The following DMXL2 variants were observed in gnomAD, a reference collection of about 807,000 sequenced individuals.
DMXL2 encodes Dmx like 2, also known as dmX-like protein 2.
A neutral mutation model predicts 331.1 loss-of-function variants in DMXL2; 103 were observed. The ratio of observed to expected loss-of-function variants is 0.31; its 90% CI spans 0.27 to 0.37. The LOEUF is 0.37. Ranked by LOEUF, DMXL2 falls within the 10% of genes least tolerant of loss-of-function variation. The pLI, the probability that DMXL2 is intolerant of heterozygous loss-of-function variation, is 1.00. For missense variants in DMXL2, 3,171 were observed against 3,642.9 expected (o/e 0.87, Z 3.33); for synonymous variants, 1,281 against 1,252.1 (o/e 1.02, Z -0.49).
intron 1 of DMXL2, among the ~76,000 whole-genome samples, chr15:51,621,696 CT>C (rs1456739407): frequency 6.6e-6 from 1 of 152,132 alleles, no homozygotes; most frequent in African/African-American, 2.4e-5. Context: ...TATACATACA[CT>C]TTTCTCAAAC....
intron 6 of DMXL2, among the ~76,000 whole-genome samples, chr15:51,554,769 C>CTTA (rs1290431045): frequency 6.6e-6 from 1 of 152,144 alleles, no homozygotes; most frequent in Non-Finnish European, 1.5e-5. Flanking sequence ...GCATGCTAAA[C>CTTA]CATCACGAAG....
intron 25 of DMXL2, among the ~76,000 whole-genome samples, chr15:51,479,558 T>C (rs1220581129): frequency 1.3e-5 from 2 of 152,178 alleles, no homozygotes; most frequent in East Asian, 3.8e-4. Context: ...TCTGGGACCA[T>C]TTGTGACCAG....
chr15:51,542,156 A>G (rs1238843818), intron 9 of DMXL2, among the ~76,000 whole-genome samples, 177 bp downstream of exon 9: 1 of 152,222 alleles, frequency 6.6e-6, no homozygotes, highest in Non-Finnish European at 1.5e-5. Context: ...AGAATCACAT[A>G]GTCCCAATCA....
chr15:51,534,786 T>C (rs1596159125), intron 13 of DMXL2, among the ~76,000 whole-genome samples: 1 of 152,316 alleles, frequency 6.6e-6, no homozygotes, highest in South Asian at 2.1e-4. Flanking sequence ...AGACAAAGAA[T>C]TTATCTTTCT....
intron 33 of DMXL2, among the ~76,000 whole-genome samples, chr15:51,461,544 A>G (rs1416461262): frequency 6.6e-6 from 1 of 152,178 alleles, no homozygotes; most frequent in Non-Finnish European, 1.5e-5. Context: ...AGAGCCCCTA[A>G]TTGACCAGAA....
chr15:51,500,406 C>A (rs1029136410), intron 17 of DMXL2, among the ~76,000 whole-genome samples, 175 bp from the exon 18 acceptor site: 4 of 152,192 alleles, frequency 2.6e-5, no homozygotes, highest in African/African-American at 9.6e-5. Context: ...GCCAACATAT[C>A]TATAAAGGTC....
In DMXL2 at chr15:51,486,125, T is replaced by C. The variant is rs1284044596; in HGVS notation, c.5430A>G (p.Arg1810=). The part of the protein sequence containing the change: ...LAYWVMKDYT[R]ALDTLLEQTP... Reference sequence around the variant, plus strand: ...TTTGTTCCAGTAATGTGTCCAAGGCTCGGGTGTAATCTTTCATTACCCAAT... The same window carrying C: ...TTTGTTCCAGTAATGTGTCCAAGGCCCGGGTGTAATCTTTCATTACCCAAT... Residue 1810 remains arginine (R), a synonymous_variant, in exon 23 of 44, where the codon CGA becomes CGG. Coordinates refer to ENST00000560891, the MANE Select transcript of DMXL2 (RefSeq NM_001378457.1). 6.2e-7 allele frequency: 1 copy of C among 1,614,002 alleles called. No homozygotes were observed. Among genetic ancestry groups the C allele is most frequent in the Admixed American group, 1.7e-5 (1 of 60,022 alleles).
At chr15:51,578,609 A>C (rs1400352146) in intron 1 of DMXL2, among the ~76,000 whole-genome samples, 1 of 152,224 alleles carries the variant, frequency 6.6e-6, no homozygotes, top group East Asian at 1.9e-4. Flanking sequence ...AATATCTATC[A>C]AAATCTTAAG....
intron 42 of DMXL2, 56 bp from the exon 43 acceptor site, chr15:51,450,402 A>G (rs2039030966): frequency 2.0e-6 from 3 of 1,524,086 alleles, no homozygotes; most frequent in South Asian, 2.3e-5. Context: ...CTTGGTAATT[A>G]TGATGTCTAC....
At chr15:51,503,794 T>C (rs2043853492) in intron 16 of DMXL2, among the ~76,000 whole-genome samples, 1 of 152,218 alleles carries the variant, frequency 6.6e-6, no homozygotes, top group South Asian at 2.1e-4. Flanking sequence ...TTACATATTC[T>C]ATGCATGTAT....
At chr15:51,459,466 G>A in intron 34 of DMXL2, 132 bp downstream of exon 34, 1 of 609,502 alleles carries the variant, frequency 1.6e-6, no homozygotes, top group Admixed American at 2.7e-5. Flanking sequence ...CTGTGCCACT[G>A]AAGTGGTATG....
chr15:51,529,444 T>C (rs1470002577), intron 13 of DMXL2, among the ~76,000 whole-genome samples: 4 of 151,920 alleles, frequency 2.6e-5, no homozygotes, highest in African/African-American at 9.7e-5. Context: ...GCCAAAGAAA[T>C]TGAAAGGATC....
intron 1 of DMXL2, among the ~76,000 whole-genome samples, chr15:51,589,307 C>T (rs2052109045): frequency 6.6e-6 from 1 of 152,188 alleles, no homozygotes; most frequent in African/African-American, 2.4e-5. Context: ...ACAAGAAAGA[C>T]CTGTAAGAAA....
Position 51,495,131 on chromosome 15 carries a change from C to A in DMXL2, c.4676G>T (p.Arg1559Ile). ...DESRDKSCSGRDTLDECGLRY... is the reference protein window; with the variant it reads ...DESRDKSCSGIDTLDECGLRY... ...CAAACCACACTCATCTAATGTATCT[C>A]TTCCTGTAATTTAAACAGGAAATAT... The change falls in exon 19 of 44, where the codon AGA (arginine) becomes ATA (isoleucine). Residue 1559 changes from arginine to isoleucine, a missense_variant. Physicochemically the swap from Arg to Ile is moderately conservative, Grantham distance 97 (BLOSUM62 -3). Coordinates refer to ENST00000560891, the MANE Select transcript of DMXL2 (RefSeq NM_001378457.1). 2 of 1,604,368 alleles carry A rather than the reference C, an allele frequency of 1.2e-6. No homozygotes were observed. Among genetic ancestry groups the A allele is most frequent in the Non-Finnish European group, 1.7e-6 (2 of 1,172,200 alleles).
Position 51,538,268 on chromosome 15 carries a change from A to G in DMXL2, c.1290T>C (p.Asp430=), listed in dbSNP as rs775660410. The part of the protein sequence containing the change: ...DHENDDADRE[D]EEHSQEDRER... ...CTCTATCCTCCTGTGAATGTTCCTC[A>G]TCTTCTCTATCTGCATCATCATTTT... The change falls in exon 10 of 44, where the codon GAT becomes GAC. Residue 430 remains aspartate, a synonymous_variant. Coordinates refer to ENST00000560891, the MANE Select transcript of DMXL2 (RefSeq NM_001378457.1). 1 of 1,613,688 alleles carries G rather than the reference A, an allele frequency of 6.2e-7. No individual in the cohort carries two copies. Among genetic ancestry groups the G allele is most frequent in the African/African-American group, 1.3e-5 (1 of 74,928 alleles).
chr15:51,489,013 ACAGT>A (rs1318600579), intron 20 of DMXL2, among the ~76,000 whole-genome samples: 1 of 152,222 alleles, frequency 6.6e-6, no homozygotes, highest in Non-Finnish European at 1.5e-5. Context: ...TGAATTGCCT[ACAGT>A]CACACAGTAA....
intron 15 of DMXL2, among the ~76,000 whole-genome samples, chr15:51,508,332 T>C (rs1331259404): frequency 6.6e-6 from 1 of 152,110 alleles, no homozygotes; most frequent in Non-Finnish European, 1.5e-5. Flanking sequence ...ATAATAATAA[T>C]TTTTAAAAAA....
chr15:51,570,374 A>G (rs1331270463), intron 2 of DMXL2, among the ~76,000 whole-genome samples: 3 of 152,210 alleles, frequency 2.0e-5, no homozygotes, highest in Non-Finnish European at 4.4e-5. Flanking sequence ...ACTCTTCAGG[A>G]TATTATCCAG....
rs1212775483 is a variant in DMXL2, at chr15:51,470,518, G to A, written c.7392+705C>T. 5.9e-5 allele frequency among the ~76,000 whole-genome samples: 9 copies of A among 152,208 alleles called. 1 individual carries two copies. Among genetic ancestry groups the A allele is most frequent in the Middle Eastern group, 3.4e-3 (1 of 294 alleles). Reference sequence around the variant, plus strand: ...AGCTTAGCATACAAAAAAACGGAGCGGGATCAGCGCCTCAATAACTCTGAG... The same window carrying A: ...AGCTTAGCATACAAAAAAACGGAGCAGGATCAGCGCCTCAATAACTCTGAG... On this transcript the variant is annotated intron_variant, in intron 29 of 43. Coordinates refer to ENST00000560891, the MANE Select transcript of DMXL2 (RefSeq NM_001378457.1).
Sources: allele counts gnomAD v4.1 joint callset (sites outside exome capture counted in the v4.1 genomes callset), GRCh38; gene constraint gnomAD v4.1.1; transcripts MANE v1.5; gene names NCBI Gene and HGNC (gene_info 2026-07-23, HGNC 2026-07-21).